SLC16A10: variants seen among roughly 807,000 people sequenced by gnomAD.
SLC16A10 encodes monocarboxylate transporter 10.
In SLC16A10, 27 loss-of-function variants were observed where a neutral mutation model predicts 40.0. The ratio of observed to expected loss-of-function variants is 0.67; its 90% confidence interval spans 0.50 to 0.93. The LOEUF (loss-of-function observed/expected upper bound fraction) is 0.93, where lower values mean the gene tolerates loss of function less well. Among genes scored for constraint, SLC16A10 ranks in the 40% least tolerant of loss-of-function variants. SLC16A10 has a pLI of 0.00. For synonymous variants in SLC16A10, 213 were observed against 249.8 expected (o/e 0.85, Z 1.39); for missense variants, 529 against 658.2 (o/e 0.80, Z 2.15).
intron 3 of SLC16A10, among the ~76,000 whole-genome samples, chr6:111,201,918 C>G (rs1421377164): frequency 6.6e-6 from 1 of 152,130 alleles, no homozygotes; most frequent in Non-Finnish European, 1.5e-5. Context: ...TGTACTGTGG[C>G]CACCCATTTA....
In SLC16A10 at chr6:111,206,660, C is replaced by T. The variant is rs1267285338; in HGVS notation, c.1011C>T (p.Val337=). 1.2e-6 allele frequency: 2 copies of T among 1,614,034 alleles called. No individual in the cohort carries two copies. Among genetic ancestry groups the T allele is most frequent in the African/African-American group, 1.3e-5 (1 of 74,918 alleles). The change falls in exon 4 of 6, where the codon GTC becomes GTT. Residue 337 remains valine, a synonymous_variant. Coordinates refer to ENST00000368851, the MANE Select transcript of SLC16A10 (RefSeq NM_018593.5). ...NKEVVLMCIG[V]TSGVGRLLFG... ...AGGTTGTTCTCATGTGCATTGGCGT[C>T]ACTTCAGGAGTTGGACGACTGCTCT...
intron 3 of SLC16A10, chr6:111,178,380 A>G (rs751741072): frequency 1.9e-6 from 1 of 532,532 alleles, no homozygotes; most frequent in East Asian, 5.5e-5. Flanking sequence ...AGAAGTTTAT[A>G]TTGTTTATTT....
At chr6:111,218,743 TA>T in intron 4 of SLC16A10, 70 bp from the exon 5 acceptor site, 2 of 1,299,466 alleles carry the variant, frequency 1.5e-6, no homozygotes, top group Non-Finnish European at 2.2e-6. Context: ...TTAGAAGTCC[TA>T]AGCATGTTGC....
chr6:111,151,896 G>T (rs894045431), intron 1 of SLC16A10, among the ~76,000 whole-genome samples: 1 of 152,088 alleles, frequency 6.6e-6, no homozygotes, highest in Non-Finnish European at 1.5e-5. Context: ...CTGCCCATCT[G>T]GGCTGGATAC....
intron 1 of SLC16A10, among the ~76,000 whole-genome samples, chr6:111,159,343 T>G (rs569361313): frequency 6.6e-6 from 1 of 152,210 alleles, no homozygotes; most frequent in Non-Finnish European, 1.5e-5. Context: ...TTACAGATGC[T>G]TCTGTGAACA....
chr6:111,138,771 C>T (rs901283134), intron 1 of SLC16A10, among the ~76,000 whole-genome samples: 5 of 152,238 alleles, frequency 3.3e-5, no homozygotes, highest in Non-Finnish European at 7.4e-5. Context: ...CAGGCCTGCA[C>T]CACTGTGCCT....
intron 1 of SLC16A10, among the ~76,000 whole-genome samples, chr6:111,104,877 C>T (rs916741258): frequency 3.3e-5 from 5 of 151,754 alleles, no homozygotes; most frequent in Non-Finnish European, 7.4e-5. Context: ...GTAGCTGCTG[C>T]CACCTCTTAG....
intron 1 of SLC16A10, among the ~76,000 whole-genome samples, chr6:111,144,361 GC>G (rs1289000147): frequency 6.6e-6 from 1 of 152,050 alleles, no homozygotes; most frequent in Non-Finnish European, 1.5e-5. Flanking sequence ...ACGCTGCTAT[GC>G]CCGGCTAATT....
At chr6:111,129,562 A>G (rs898437702) in intron 1 of SLC16A10, among the ~76,000 whole-genome samples, 4 of 152,244 alleles carry the variant, frequency 2.6e-5, no homozygotes, top group Non-Finnish European at 5.9e-5. Flanking sequence ...TAAAGCTGTT[A>G]TTCTGTATTT....
intron 1 of SLC16A10, among the ~76,000 whole-genome samples, chr6:111,169,816 A>G (rs1053577633): frequency 2.0e-5 from 3 of 152,174 alleles, no homozygotes; most frequent in African/African-American, 7.2e-5. Context: ...TATTCAATAG[A>G]CACATAAATC....
chr6:111,158,530 G>A (rs1772313654), intron 1 of SLC16A10, among the ~76,000 whole-genome samples: 1 of 152,160 alleles, frequency 6.6e-6, no homozygotes, highest in Non-Finnish European at 1.5e-5. Context: ...ATCTAATGCT[G>A]TGCTGATCCG....
At chr6:111,189,510 TTTTTC>T (rs1377874770) in intron 3 of SLC16A10, among the ~76,000 whole-genome samples, 2 of 152,232 alleles carry the variant, frequency 1.3e-5, no homozygotes, top group Non-Finnish European at 2.9e-5. Context: ...CAATCATTGT[TTTTTC>T]TTCGTATACT....
intron 1 of SLC16A10, among the ~76,000 whole-genome samples, chr6:111,141,984 T>C (rs768134596): frequency 6.6e-6 from 1 of 152,000 alleles, no homozygotes; most frequent in Non-Finnish European, 1.5e-5. Flanking sequence ...AGACCCAAAA[T>C]AGGTGACATG....
chr6:111,152,899 G>A (rs966827632), intron 1 of SLC16A10, among the ~76,000 whole-genome samples: 1 of 152,224 alleles, frequency 6.6e-6, no homozygotes, highest in East Asian at 1.9e-4. Flanking sequence ...GGAAATGCAT[G>A]TGTAAGGCAT....
Position 111,087,605 on chromosome 6 carries a change from G to A in SLC16A10, c.-148G>A. 1 of 335,536 alleles carries A rather than the reference G, an allele frequency of 3.0e-6. No individual in the cohort carries two copies. The allele number at this position is 335,536 out of a possible 1,614,324, so 20.8% of individuals were successfully genotyped here. On this transcript the variant is annotated 5_prime_UTR_variant, in exon 1 of 6. Coordinates refer to ENST00000368851, the MANE Select transcript of SLC16A10 (RefSeq NM_018593.5). The stretch of plus-strand genomic sequence containing the variant: ...GGCCGCCTGCGCGCTGGCCGCCTGC[G>A]CGCTGCCAGCCCGCCCGCCCGCCAG...
chr6:111,220,303 C>T (rs1770866854), intron 5 of SLC16A10, among the ~76,000 whole-genome samples: 2 of 152,140 alleles, frequency 1.3e-5, no homozygotes. Context: ...TGCTAAATGC[C>T]ACTGAATTGT....
chr6:111,160,362 C>A (rs1051380582), intron 1 of SLC16A10, among the ~76,000 whole-genome samples: 3 of 152,204 alleles, frequency 2.0e-5, no homozygotes, highest in African/African-American at 7.2e-5. Flanking sequence ...CTTCAGCCTC[C>A]TGAATAGCTG....
At chr6:111,128,058 C>T (rs977355819) in intron 1 of SLC16A10, among the ~76,000 whole-genome samples, 1 of 152,132 alleles carries the variant, frequency 6.6e-6, no homozygotes, top group Non-Finnish European at 1.5e-5. Context: ...TAGCTTTTCT[C>T]GTCTCTACTG....
At chr6:111,174,905 GTC>G (rs1225923397) in intron 2 of SLC16A10, among the ~76,000 whole-genome samples, 1 of 152,110 alleles carries the variant, frequency 6.6e-6, no homozygotes, top group Non-Finnish European at 1.5e-5. Flanking sequence ...ACCCAGTTCT[GTC>G]TCTCTTTCTC....
Sources: allele counts gnomAD v4.1 joint callset (sites outside exome capture counted in the v4.1 genomes callset), GRCh38; gene constraint gnomAD v4.1.1; transcripts MANE v1.5; gene names NCBI Gene and HGNC (gene_info 2026-07-23, HGNC 2026-07-21).